ANO6: variants seen among roughly 807,000 people sequenced by gnomAD.
ANO6 encodes the protein anoctamin-6.
In ANO6, 106 loss-of-function variants were observed where a neutral mutation model predicts 117.5. The observed-to-expected ratio is 0.90, with a 90% CI of 0.77 to 1.06. The LOEUF (loss-of-function observed/expected upper bound fraction) is 1.06, where lower values mean the gene tolerates loss of function less well. ANO6 is among the 50% of genes least tolerant of loss of function. ANO6 has a pLI of 0.00. For synonymous variants in ANO6, 367 were observed against 385.1 expected, an observed-to-expected ratio of 0.95 and a Z score of 0.55; for missense variants, 955 against 1,121.1, an observed-to-expected ratio of 0.85 and a Z score of 2.12.
At chr12:45,427,636 T>G (rs1428332186) in intron 19 of ANO6, among the ~76,000 whole-genome samples, 1 of 151,934 alleles carries the variant, frequency 6.6e-6, no homozygotes, top group Non-Finnish European at 1.5e-5. Flanking sequence ...GATTTTTGAT[T>G]GATAAATTAA....
chr12:45,306,841 G>T (rs1312874665), intron 2 of ANO6, among the ~76,000 whole-genome samples: 1 of 151,492 alleles, frequency 6.6e-6, no homozygotes, highest in Non-Finnish European at 1.5e-5. Flanking sequence ...GTGTTGGGGG[G>T]GTGGTGACAG....
At chr12:45,241,128 A>G (rs563518238) in intron 1 of ANO6, among the ~76,000 whole-genome samples, 2 of 152,274 alleles carry the variant, frequency 1.3e-5, no homozygotes, top group South Asian at 2.1e-4. Context: ...TCTCCTGGAT[A>G]ATATCCTGCA....
intron 1 of ANO6, among the ~76,000 whole-genome samples, chr12:45,218,580 A>T (rs974688606): frequency 6.6e-6 from 1 of 151,826 alleles, no homozygotes; most frequent in Non-Finnish European, 1.5e-5. Context: ...TTGGAAGTAC[A>T]AATTTAATGT....
chr12:45,436,706 G>A (rs892125498), downstream of ANO6, among the ~76,000 whole-genome samples: 14 of 152,170 alleles, frequency 9.2e-5, no homozygotes, highest in African/African-American at 2.9e-4. Flanking sequence ...GGTGGCTCAC[G>A]TCTGTAATCC....
At chr12:45,372,445 G>T (rs372114994) in intron 9 of ANO6, among the ~76,000 whole-genome samples, 4 of 143,596 alleles carry the variant, frequency 2.8e-5, no homozygotes, top group South Asian at 2.4e-4. Context: ...GAAAAAATGT[G>T]AAGGGCAGCC....
Position 45,348,135 on chromosome 12 carries a change from G to GA in ANO6, c.458dup (p.Asn153LysfsTer35). On this transcript the variant is annotated frameshift_variant, in exon 5 of 20. Transcript: ENST00000320560. LOFTEE classifies it high-confidence loss of function. ...AATTGCCTCTGAAACCCAATGATCT[G>GA]AAAAACCGGTCCTCAGCCTTTGGTA... 1 of 1,614,072 alleles carries GA rather than the reference G, an allele frequency of 6.2e-7. No homozygotes were observed. Among genetic ancestry groups the GA allele is most frequent in the Non-Finnish European group, 8.5e-7 (1 of 1,179,984 alleles).
rs1269038357 is a variant in ANO6 at position 45,338,303 on chromosome 12, A to G, written c.279+6880A>G. On this transcript the variant is annotated intron_variant, in intron 3 of 19. Transcript: ENST00000320560. The stretch of plus-strand genomic sequence containing the variant: ...AGGAAGGCATGATTGCATAGACTAA[A>G]AATTGGCTTACCTTCTTCAAATTGA... Among the ~76,000 whole-genome samples, 3 of 152,086 alleles carry G rather than the reference A, an allele frequency of 2.0e-5. No individual in the cohort carries two copies. In the East Asian group the frequency reaches 5.8e-4, roughly 29 times the overall value.
At chr12:45,288,905 G>C (rs1447599394) in intron 1 of ANO6, among the ~76,000 whole-genome samples, 1 of 150,746 alleles carries the variant, frequency 6.6e-6, no homozygotes, top group Non-Finnish European at 1.5e-5. Flanking sequence ...CTGCCACCAC[G>C]CCCGGCTAAT....
intron 8 of ANO6, among the ~76,000 whole-genome samples, chr12:45,361,415 C>A (rs1311876119): frequency 6.6e-6 from 1 of 152,012 alleles, no homozygotes; most frequent in Non-Finnish European, 1.5e-5. Flanking sequence ...GCTAAACTGG[C>A]TTATTTGCTC....
At chr12:45,344,541 C>T (rs190500215) in intron 3 of ANO6, among the ~76,000 whole-genome samples, 233 of 152,162 alleles carry the variant, frequency 1.5e-3, no homozygotes, top group African/African-American at 4.5e-3. Flanking sequence ...AACCAGATCT[C>T]GTGAGAACTC....
At chr12:45,389,584 GT>G (rs1460036288) in intron 11 of ANO6, among the ~76,000 whole-genome samples, 7 of 152,080 alleles carry the variant, frequency 4.6e-5, no homozygotes, top group Non-Finnish European at 1.0e-4. Context: ...TTTCTTTATG[GT>G]TATTCCTCGT....
In ANO6 at chr12:45,421,005, G is replaced by A. The variant is rs562140510; in HGVS notation, c.2218-66G>A. On this transcript the variant is annotated intron_variant, in intron 17 of 19. Coordinates refer to ENST00000320560, the MANE Select transcript of ANO6 (RefSeq NM_001025356.3). ...GTGCCATGCAGCCTGGGCAGCAAGAGCGAGACTCCGTCTCAAAAACAAAAA... is the reference window on the plus strand; with the variant it reads ...GTGCCATGCAGCCTGGGCAGCAAGAACGAGACTCCGTCTCAAAAACAAAAA... 26 of 1,539,844 alleles carry A rather than the reference G, an allele frequency of 1.7e-5. No homozygotes were observed. The East Asian group carries it at 5.4e-4, about 32-fold the overall frequency.
At chr12:45,382,285 A>T (rs924628879) in intron 10 of ANO6, among the ~76,000 whole-genome samples, 2 of 152,200 alleles carry the variant, frequency 1.3e-5, no homozygotes, top group African/African-American at 4.8e-5. Flanking sequence ...CCTTCTTTCT[A>T]TCGGAAAAAT....
chr12:45,232,782 G>A lies in ANO6; in HGVS notation c.70+16391G>A, dbSNP rs564599181. 7.2e-5 allele frequency among the ~76,000 whole-genome samples: 11 copies of A among 152,210 alleles called. No homozygotes were observed. In the South Asian group the frequency reaches 2.3e-3, roughly 32 times the overall value. ...TGTTCCTTGCTGAAATAATAGCCCT[G>A]GGTTGGAAGGCAACAAAACTCGGTC... On this transcript the variant is annotated intron_variant, in intron 1 of 19. Coordinates refer to ENST00000320560, the MANE Select transcript of ANO6 (RefSeq NM_001025356.3).
intron 1 of ANO6, among the ~76,000 whole-genome samples, chr12:45,235,116 G>A (rs1195316161): frequency 6.6e-6 from 1 of 152,198 alleles, no homozygotes; most frequent in Non-Finnish European, 1.5e-5. Flanking sequence ...TCTTGTCAGT[G>A]TTTCCTAATC....
intron 16 of ANO6, among the ~76,000 whole-genome samples, chr12:45,411,833 G>C (rs1273454774): frequency 6.6e-6 from 1 of 152,150 alleles, no homozygotes; most frequent in South Asian, 2.1e-4. Flanking sequence ...GCTGCCTGCC[G>C]TGGTGGTATA....
chr12:45,316,173 T>C (rs1940018401), intron 2 of ANO6, among the ~76,000 whole-genome samples: 1 of 152,172 alleles, frequency 6.6e-6, no homozygotes, highest in Non-Finnish European at 1.5e-5. Flanking sequence ...TTTGTCCATT[T>C]AATGTTTCCA....
At chr12:45,390,905 T>A (rs1407813441) in intron 12 of ANO6, among the ~76,000 whole-genome samples, 1 of 152,086 alleles carries the variant, frequency 6.6e-6, no homozygotes. Flanking sequence ...GTGGATCACC[T>A]GAGGTCAGGA....
intron 1 of ANO6, among the ~76,000 whole-genome samples, chr12:45,244,403 T>TG (rs59579814): frequency 0.028 from 2,021 of 72,018 alleles, 39 homozygotes; most frequent in African/African-American, 0.042. Flanking sequence ...CTTCTCTATT[T>TG]GGGGGGGGGG....
Sources: allele counts gnomAD v4.1 joint callset (sites outside exome capture counted in the v4.1 genomes callset), GRCh38; gene constraint gnomAD v4.1.1; transcripts MANE v1.5; gene names NCBI Gene and HGNC (gene_info 2026-07-23, HGNC 2026-07-21).